The following BTN3A3 variants were observed in gnomAD, a reference collection of about 807,000 sequenced individuals.
BTN3A3 encodes the protein butyrophilin subfamily 3 member A3, also known as butyrophilin 3.
In BTN3A3, 39 loss-of-function variants were observed where a neutral mutation model predicts 43.2. That is an observed-to-expected ratio of 0.90 (90% confidence interval 0.70 to 1.18). The LOEUF (loss-of-function observed/expected upper bound fraction) is 1.18. BTN3A3 is among the 50% of genes most tolerant of loss of function. The probability of loss-of-function intolerance (pLI) is 0.00; values close to 1 mark genes in which losing one functional copy is unlikely to be tolerated. For synonymous variants in BTN3A3, 255 were observed against 272.7 expected (o/e 0.93, Z 0.64); for missense variants, 631 against 722.8 (o/e 0.87, Z 1.46).
chr6:26,451,746 C>G lies in BTN3A3; in HGVS notation c.1090C>G (p.Arg364Gly). 1 of 1,614,148 alleles carries G rather than the reference C, an allele frequency of 6.2e-7. No individual in the cohort carries two copies. Among genetic ancestry groups the G allele is most frequent in the Non-Finnish European group, 8.5e-7 (1 of 1,180,018 alleles). ...LVSEDQRSVQ[R>G]AEEPRDLPDN... is the part of the protein sequence containing the mutation. ...TTCTGAGGACCAGAGGAGTGTGCAGCGTGCTGAAGAGCCGCGGGATCTGCC... is the reference window on the plus strand; with the variant it reads ...TTCTGAGGACCAGAGGAGTGTGCAGGGTGCTGAAGAGCCGCGGGATCTGCC... The change falls in exon 11 of 11, where the codon CGT becomes GGT. Residue 364 changes from arginine (R) to glycine (G), a missense_variant. By Grantham distance (125) the Arg-to-Gly change is moderately radical (BLOSUM62 -2). Coordinates refer to ENST00000244519, the MANE Select transcript of BTN3A3 (RefSeq NM_006994.5).
chr6:26,451,922 G>A lies in BTN3A3; in HGVS notation c.1266G>A (p.Trp422Ter), dbSNP rs868189746. 1.9e-6 allele frequency: 3 copies of A among 1,614,056 alleles called. No individual in the cohort carries two copies. The Middle Eastern group carries it at 5.0e-4, about 266-fold the overall frequency. ...CSKNVERKKG[W>*]VKMTPENGYW... ...AGAACGTGGAGAGGAAAAAAGGTTG[G>A]GTCAAAATGACACCGGAGAACGGAT... The change falls in exon 11 of 11, where the codon TGG (tryptophan) becomes TGA (stop). Residue 422 changes from tryptophan (W) to a stop codon, truncating the protein, a stop_gained. Transcript: ENST00000244519. LOFTEE classifies it low-confidence loss of function (END_TRUNC).
At chr6:26,451,323 A>T (rs1413684971) in intron 10 of BTN3A3, among the ~76,000 whole-genome samples, 1 of 152,236 alleles carries the variant, frequency 6.6e-6, no homozygotes, top group Non-Finnish European at 1.5e-5. Context: ...CATTTAGTTC[A>T]TAAGCGGTCG....
At chr6:26,444,480 GA>G (rs1262473657) in intron 4 of BTN3A3, 176 bp downstream of exon 4, 40 of 1,048,768 alleles carry the variant, frequency 3.8e-5, no homozygotes, top group Non-Finnish European at 5.2e-5. Context: ...TCTTTAGAAA[GA>G]ATTCCTGCTG....
Position 26,448,639 on chromosome 6 carries a change from T to G in BTN3A3, c.937+2T>G. The G allele has an allele frequency of 3.1e-6, 5 of 1,614,038 alleles. No homozygotes were observed. Among genetic ancestry groups the G allele is most frequent in the Non-Finnish European group, 4.2e-6 (5 of 1,180,006 alleles). The stretch of plus-strand genomic sequence containing the variant: ...CAGAGAAGCTCCAGGAGGAACTCAG[T>G]AAGTTCCCATTCCCCAGGAGACCCA... On this transcript the variant is annotated splice_donor_variant, in intron 7 of 10. Coordinates refer to ENST00000244519, the MANE Select transcript of BTN3A3 (RefSeq NM_006994.5). LOFTEE classifies it high-confidence loss of function.
At chr6:26,451,526 G>T (rs1222557253) in intron 10 of BTN3A3, 149 bp from the exon 11 acceptor site, 43 of 1,430,540 alleles carry the variant, frequency 3.0e-5, no homozygotes, top group Non-Finnish European at 3.9e-5. Flanking sequence ...TTTCTCCCAT[G>T]ACATTGATGA....
intron 10 of BTN3A3, among the ~76,000 whole-genome samples, chr6:26,450,755 T>C (rs1581659162): frequency 6.6e-6 from 1 of 152,040 alleles, no homozygotes; most frequent in Non-Finnish European, 1.5e-5. Flanking sequence ...TTCCCAACAG[T>C]GGGGAGCTGT....
intron 1 of BTN3A3, among the ~76,000 whole-genome samples, chr6:26,441,808 G>C (rs1762643646): frequency 6.6e-6 from 1 of 152,000 alleles, no homozygotes; most frequent in Admixed American, 6.6e-5. Flanking sequence ...TAAGATTGCA[G>C]GCATGAGCCA....
intron 10 of BTN3A3, among the ~76,000 whole-genome samples, chr6:26,450,472 A>G (rs539010848): frequency 6.6e-6 from 1 of 152,274 alleles, no homozygotes; most frequent in South Asian, 2.1e-4. Flanking sequence ...ATGCCTGCCC[A>G]AAGAACTTTG....
chr6:26,447,159 C>T (rs1163240731), intron 5 of BTN3A3, among the ~76,000 whole-genome samples: 2 of 152,158 alleles, frequency 1.3e-5, no homozygotes, highest in Non-Finnish European at 2.9e-5. Flanking sequence ...ATTCTCTCTA[C>T]ACTAATATGG....
chr6:26,448,418 G>C lies in BTN3A3; in HGVS notation c.886G>C (p.Ala296Pro). The part of the protein sequence containing the change: ...REREMKEMGY[A>P]ATEQEISLRE... ...GCGAGAGATGAAAGAAATGGGATAC[G>C]CTGCAACAGAGCAAGAAATAAGCCT... Residue 296 changes from alanine to proline, a missense_variant, in exon 6 of 11, where the codon GCT becomes CCT. Ala to Pro is a conservative substitution (Grantham distance 27). Transcript: ENST00000244519. 5 of 1,613,778 alleles carry C rather than the reference G, an allele frequency of 3.1e-6. No individual in the cohort carries two copies. The highest frequency in any genetic ancestry group is 4.2e-6 in the Non-Finnish European group (5 of 1,179,964).
Position 26,451,809 on chromosome 6 carries a change from C to T in BTN3A3, c.1153C>T (p.Leu385Phe). The change falls in exon 11 of 11, where the codon CTT becomes TTT. Residue 385 changes from leucine to phenylalanine, a missense_variant. Physicochemically the swap from Leu to Phe is conservative, Grantham distance 22. This residue lies in a region of BTN3A3 where 551 missense variants were observed against 584.0 expected (regional missense o/e 0.94). Transcript: ENST00000244519. ...PERFEWRYCV[L>F]GCENFTSGRH... ...GAGATTTGAATGGCGTTACTGTGTC[C>T]TTGGCTGTGAAAACTTCACATCAGG... 1 of 1,614,042 alleles carries T rather than the reference C, an allele frequency of 6.2e-7. No individual in the cohort carries two copies. Among genetic ancestry groups the T allele is most frequent in the Non-Finnish European group, 8.5e-7 (1 of 1,179,916 alleles).
rs374373356 is a variant in BTN3A3, at chr6:26,451,720, T to C, written c.1064T>C (p.Val355Ala). ...DPDTANAILL[V>A]SEDQRSVQRA... is the part of the protein sequence containing the mutation. ...GACACGGCAAACGCCATCCTCCTTGTTTCTGAGGACCAGAGGAGTGTGCAG... is the reference window on the plus strand; with the variant it reads ...GACACGGCAAACGCCATCCTCCTTGCTTCTGAGGACCAGAGGAGTGTGCAG... Residue 355 changes from valine to alanine, a missense_variant, in exon 11 of 11, where the codon GTT becomes GCT. Physicochemically the swap from Val to Ala is moderately conservative, Grantham distance 64. Around this residue, in one of 2 missense-constraint regions of BTN3A3, gnomAD observed 551 missense variants for 584.0 expected, o/e 0.94. Transcript: ENST00000244519. 16 of 1,614,000 alleles carry C rather than the reference T, an allele frequency of 9.9e-6. No individual in the cohort carries two copies. Among genetic ancestry groups the C allele is most frequent in the Admixed American group, 3.3e-5 (2 of 59,998 alleles).
At chr6:26,449,744 A>G in intron 9 of BTN3A3, 56 bp downstream of exon 9, 1 of 1,600,660 alleles carries the variant, frequency 6.2e-7, no homozygotes, top group Non-Finnish European at 8.6e-7. Context: ...GAACATTTCA[A>G]CTTTTTCTCT....
In BTN3A3 at chr6:26,451,329, G is replaced by C. The variant is rs142629541; in HGVS notation, c.1019-346G>C. On this transcript the variant is annotated intron_variant, in intron 10 of 10. Transcript: ENST00000244519. ...AGGGGAGCTCATTTAGTTCATAAGC[G>C]GTCGAGTGAAGATTGAAAATTAACC... Among the ~76,000 whole-genome samples the C allele has an allele frequency of 1.2e-3, 189 of 152,294 alleles. 1 individual carries two copies. Among genetic ancestry groups the C allele is most frequent in the Admixed American group, 4.1e-3 (63 of 15,306 alleles).
intron 10 of BTN3A3, among the ~76,000 whole-genome samples, chr6:26,450,594 G>A (rs1445192459): frequency 1.3e-5 from 2 of 152,200 alleles, no homozygotes; most frequent in Non-Finnish European, 2.9e-5. Context: ...GTGTTTTGTG[G>A]GGGTGAGGTG....
intron 4 of BTN3A3, 57 bp downstream of exon 4, chr6:26,444,361 A>C: frequency 6.2e-7 from 1 of 1,611,390 alleles, no homozygotes; most frequent in African/African-American, 1.3e-5. Context: ...GAGCAGATGC[A>C]GAGTCCCTCT....
In BTN3A3 at chr6:26,443,558, C is replaced by T. The variant is rs1443622951; in HGVS notation, c.-5-12C>T. Reference sequence around the variant, plus strand: ...GTCTGTCCCACACCTTCTGGTATCTCTTGATATGCAGCATAGATGAAAATG... The same window carrying T: ...GTCTGTCCCACACCTTCTGGTATCTTTTGATATGCAGCATAGATGAAAATG... On this transcript the variant is annotated splice_polypyrimidine_tract_variant and intron_variant, in intron 2 of 10. Coordinates refer to ENST00000244519, the MANE Select transcript of BTN3A3 (RefSeq NM_006994.5). 6.2e-7 allele frequency: 1 copy of T among 1,613,638 alleles called. No homozygotes were observed. The highest frequency in any genetic ancestry group is 1.3e-5 in the African/African-American group (1 of 74,890).
At position 26,450,090 on chromosome 6, in the gene BTN3A3, T is replaced by C. The variant is rs1762889144; in HGVS notation, c.992-17T>C. On this transcript the variant is annotated splice_polypyrimidine_tract_variant and intron_variant, in intron 9 of 10. Coordinates refer to ENST00000244519, the MANE Select transcript of BTN3A3 (RefSeq NM_006994.5). ...AAAATACTGACCTTTTTCTTATCTG[T>C]GTCTCCTTCCTTTCAGAATGGAAAA... 2 of 1,613,040 alleles carry C rather than the reference T, an allele frequency of 1.2e-6. No homozygotes were observed. Among genetic ancestry groups the C allele is most frequent in the Non-Finnish European group, 1.7e-6 (2 of 1,179,024 alleles).
At chr6:26,443,932 T>C (rs756369395) in intron 3 of BTN3A3, 25 bp from the exon 4 acceptor site, 77 of 1,613,728 alleles carry the variant, frequency 4.8e-5, no homozygotes, top group Non-Finnish European at 4.3e-5. Flanking sequence ...AACCCTCTGA[T>C]GGAGCTTCCC....
Sources: allele counts gnomAD v4.1 joint callset (sites outside exome capture counted in the v4.1 genomes callset), GRCh38; gene constraint gnomAD v4.1.1; regional missense constraint gnomAD v4.1.1; transcripts MANE v1.5; gene names NCBI Gene and HGNC (gene_info 2026-07-23, HGNC 2026-07-21).